Variants in FBXL13 observed in about 807,000 individuals in gnomAD.
FBXL13 encodes the protein F-box and leucine rich repeat protein 13, also known as F-box and leucine-rich repeat protein 13.
A neutral mutation model predicts 83.6 loss-of-function variants in FBXL13; 67 were observed. The ratio of observed to expected loss-of-function variants is 0.80; its 90% CI spans 0.66 to 0.98. FBXL13 has a LOEUF of 0.98. FBXL13 is among the 50% of genes least tolerant of loss of function. FBXL13 has a pLI of 0.00. For missense variants in FBXL13, 822 were observed against 866.5 expected (o/e 0.95, Z 0.64); for synonymous variants, 272 against 299.5 (o/e 0.91, Z 0.95).
chr7:102,918,658 A>G (rs1010064418), intron 10 of FBXL13, among the ~76,000 whole-genome samples: 5 of 152,036 alleles, frequency 3.3e-5, no homozygotes, highest in Non-Finnish European at 5.9e-5. Flanking sequence ...TCTACAAAAG[A>G]TTTTTCAAAT....
intron 6 of FBXL13, among the ~76,000 whole-genome samples, chr7:103,020,154 GCAAGGCTGGTTC>G (rs1346250809): frequency 6.6e-6 from 1 of 152,214 alleles, no homozygotes; most frequent in African/African-American, 2.4e-5. Context: ...TCCCTGGGAT[GCAAGGCTGGTTC>G]AACATATGCA....
intron 8 of FBXL13, among the ~76,000 whole-genome samples, chr7:102,955,393 G>T (rs1049370552): frequency 5.3e-5 from 8 of 151,862 alleles, no homozygotes; most frequent in Admixed American, 5.3e-4. Context: ...TTAAAGCAGG[G>T]TGTAGAAGGA....
At chr7:102,919,054 C>A (rs939678527) in intron 10 of FBXL13, among the ~76,000 whole-genome samples, 1 of 152,040 alleles carries the variant, frequency 6.6e-6, no homozygotes, top group African/African-American at 2.4e-5. Context: ...ACAGTGGTCA[C>A]TGGAGCCAGC....
At chr7:102,821,407 G>A (rs1798794583) in intron 19 of FBXL13, among the ~76,000 whole-genome samples, 1 of 152,036 alleles carries the variant, frequency 6.6e-6, no homozygotes, top group African/African-American at 2.4e-5. Flanking sequence ...AAGAAACCAT[G>A]TTCTTCCTCA....
At chr7:102,876,415 C>T (rs181943652) in intron 16 of FBXL13, among the ~76,000 whole-genome samples, 23 of 152,270 alleles carry the variant, frequency 1.5e-4, no homozygotes, top group Non-Finnish European at 2.6e-4. Context: ...TCACATCACT[C>T]ATGGACGATA....
intron 6 of FBXL13, among the ~76,000 whole-genome samples, chr7:103,003,120 A>G (rs1790576469): frequency 6.6e-6 from 1 of 150,570 alleles, no homozygotes; most frequent in Admixed American, 6.6e-5. Context: ...TCCTTTGCAT[A>G]TTTTCACATT....
intron 14 of FBXL13, among the ~76,000 whole-genome samples, chr7:102,879,586 A>T (rs1313904034): frequency 1.3e-5 from 2 of 152,162 alleles, no homozygotes; most frequent in Non-Finnish European, 2.9e-5. Context: ...TATCAAAAGT[A>T]TCCATGCTGT....
At chr7:102,878,789 A>C (rs559690581) in intron 14 of FBXL13, among the ~76,000 whole-genome samples, 2 of 152,318 alleles carry the variant, frequency 1.3e-5, no homozygotes, top group East Asian at 3.9e-4. Flanking sequence ...CAAAAGAAAA[A>C]GATCAAAACT....
At chr7:103,039,938 CTAATA>C (rs2129491715) in intron 2 of FBXL13, among the ~76,000 whole-genome samples, 1 of 151,738 alleles carries the variant, frequency 6.6e-6, no homozygotes, top group South Asian at 2.1e-4. Context: ...AAATAACCAG[CTAATA>C]TAATAACAGG....
At chr7:103,009,473 C>A (rs1791355946) in intron 6 of FBXL13, among the ~76,000 whole-genome samples, 1 of 152,240 alleles carries the variant, frequency 6.6e-6, no homozygotes, top group Admixed American at 6.5e-5. Flanking sequence ...ACACTGTTCA[C>A]AAGGACTTGT....
At chr7:103,074,696 C>T (rs1799491383), upstream of FBXL13, 1 of 1,289,460 alleles carries the variant, frequency 7.8e-7, no homozygotes, top group Non-Finnish European at 1.0e-6. Context: ...TGTCCAGTAC[C>T]TCGCAGACCT....
At position 103,055,755 on chromosome 7, in the gene FBXL13, A is replaced by G. The variant is rs899508582; in HGVS notation, c.-104-8T>C. ...TATACCACATAACAGTGCCTAGGGG[A>G]AAAAAGGGAAATGGCATCAATGTTT... On this transcript the variant is annotated splice_region_variant and splice_polypyrimidine_tract_variant and intron_variant, in intron 1 of 19. Coordinates refer to ENST00000313221, the Ensembl canonical transcript of FBXL13. The G allele has an allele frequency of 4.3e-6, 5 of 1,174,408 alleles. No homozygotes were observed. In the South Asian group the frequency reaches 6.9e-5, roughly 16 times the overall value. The allele number at this position is 1,174,408 out of a possible 1,614,324, so 72.7% of individuals were successfully genotyped here. A position where few individuals can be genotyped will look rare whatever the true frequency, so the allele number is the denominator to read the frequency against.
intron 17 of FBXL13, among the ~76,000 whole-genome samples, chr7:102,842,457 T>G (rs559062841): frequency 1.3e-5 from 2 of 152,352 alleles, no homozygotes; most frequent in Admixed American, 1.3e-4. Flanking sequence ...TCAACTTTGG[T>G]TGAGCACCAG....
exon 2 of FBXL13, chr7:103,055,734 C>T (rs1356409190): frequency 2.4e-6 from 3 of 1,274,594 alleles, no homozygotes; most frequent in South Asian, 1.3e-5. Context: ...AACAAGTATA[C>T]CACATAACAG....
chr7:102,939,656 T>C (rs774643078), intron 8 of FBXL13: 211 of 1,326,496 alleles, frequency 1.6e-4, no homozygotes, highest in Non-Finnish European at 2.0e-4. Context: ...GCAACACTTA[T>C]ATACAGTAAA....
intron 8 of FBXL13, among the ~76,000 whole-genome samples, chr7:102,956,650 A>C (rs1354125981): frequency 6.6e-6 from 1 of 152,224 alleles, no homozygotes; most frequent in Non-Finnish European, 1.5e-5. Flanking sequence ...ATCTCAGCCC[A>C]AAATCTCCTT....
intron 10 of FBXL13, 68 bp downstream of exon 11, chr7:102,926,206 G>A: frequency 7.3e-7 from 1 of 1,363,474 alleles, no homozygotes; most frequent in East Asian, 2.4e-5. Context: ...CTTGCAGAAT[G>A]CTAGAGCAAG....
intron 8 of FBXL13, chr7:102,934,127 T>C (rs759230912): frequency 7.4e-6 from 12 of 1,613,838 alleles, no homozygotes; most frequent in Non-Finnish European, 1.0e-5. Flanking sequence ...AGAAAGAAAA[T>C]TAGTTTATGT....
chr7:102,828,890 C>T (rs1378757232), intron 18 of FBXL13, among the ~76,000 whole-genome samples: 1 of 152,180 alleles, frequency 6.6e-6, no homozygotes, highest in Non-Finnish European at 1.5e-5. Flanking sequence ...ATGTACTTCA[C>T]CTGCAGGACA....
Sources: gnomAD v4.1 joint callset for allele counts (sites outside exome capture counted in the v4.1 genomes callset) on GRCh38, gnomAD v4.1.1 for gene constraint, MANE v1.5 for transcripts, NCBI Gene and HGNC (gene_info 2026-07-23, HGNC 2026-07-21) for gene names.